ZNF697: variants seen among roughly 807,000 people sequenced by gnomAD.
ZNF697 encodes the protein zinc finger protein 697.
Under a neutral mutation model 32.4 loss-of-function variants are expected in ZNF697, and 23 were observed. The observed-to-expected ratio is 0.71, with a 90% CI of 0.51 to 1.01. The LOEUF (loss-of-function observed/expected upper bound fraction) is 1.01, where lower values mean the gene tolerates loss of function less well. ZNF697 is among the 50% of genes least tolerant of loss of function. ZNF697 has a pLI of 0.00. For missense variants in ZNF697, 930 were observed against 794.0 expected (o/e 1.17, Z -2.06); for synonymous variants, 418 against 337.2 (o/e 1.24, Z -2.62).
chr1:119,638,376 G>T (rs1263345636), intron 1 of ZNF697, among the ~76,000 whole-genome samples: 2 of 152,188 alleles, frequency 1.3e-5, no homozygotes, highest in Non-Finnish European at 2.9e-5. Context: ...TCAATTATCA[G>T]CTATGTATTT....
Position 119,623,755 on chromosome 1 carries a change from C to G in ZNF697, c.588G>C (p.Glu196Asp), listed in dbSNP as rs587605739. 2 of 1,541,804 alleles carry G rather than the reference C, an allele frequency of 1.3e-6. No homozygotes were observed. The highest frequency in any genetic ancestry group is 1.2e-5 in the South Asian group (1 of 83,948). Residue 196 changes from glutamate (E) to aspartate (D), a missense_variant, in exon 3 of 3, where the codon GAG (glutamate) becomes GAC (aspartate). Glu to Asp is a conservative substitution (Grantham distance 45). Transcript: ENST00000421812. ...DAPTICPDCGESFSPGAAFLQ... is the reference protein window; with the variant it reads ...DAPTICPDCGDSFSPGAAFLQ... ...GGAAGGCGGCGCCAGGACTGAAGCT[C>G]TCCCCGCAGTCGGGGCAGATGGTGG...
chr1:119,624,177 A>G, intron 2 of ZNF697, 61 bp from the exon 3 acceptor site: 2 of 1,495,044 alleles, frequency 1.3e-6, no homozygotes, highest in Non-Finnish European at 1.8e-6. Context: ...AGATAAGCCC[A>G]GAGGAAACCT....
At chr1:119,647,240 C>A (rs1181946524) in intron 1 of ZNF697, among the ~76,000 whole-genome samples, 5 of 152,158 alleles carry the variant, frequency 3.3e-5, no homozygotes, top group Non-Finnish European at 7.4e-5. Flanking sequence ...ACCTTTTACT[C>A]ACCCACTCCT....
chr1:119,637,523 T>A (rs1164886000), intron 1 of ZNF697, among the ~76,000 whole-genome samples: 1 of 152,238 alleles, frequency 6.6e-6, no homozygotes, highest in Non-Finnish European at 1.5e-5. Flanking sequence ...GATTACTGGA[T>A]TCCTTTTAGG....
chr1:119,631,676 G>A (rs1156755285), intron 1 of ZNF697, among the ~76,000 whole-genome samples: 1 of 152,232 alleles, frequency 6.6e-6, no homozygotes, highest in East Asian at 1.9e-4. Context: ...CCGCTGCCAG[G>A]TGGCGGGGAG....
intron 1 of ZNF697, among the ~76,000 whole-genome samples, chr1:119,636,243 C>A (rs1054344773): frequency 1.3e-5 from 2 of 152,170 alleles, no homozygotes; most frequent in Non-Finnish European, 2.9e-5. Context: ...TGAGGGCCTT[C>A]AGAATCCGTG....
Position 119,623,053 on chromosome 1 carries a change from C to T in ZNF697, c.1290G>A (p.Thr430=). 1 of 1,586,352 alleles carries T rather than the reference C, an allele frequency of 6.3e-7. No homozygotes were observed. The highest frequency in any genetic ancestry group is 8.6e-7 in the Non-Finnish European group (1 of 1,166,590). Residue 430 remains threonine (T), a synonymous_variant, in exon 3 of 3, where the codon ACG becomes ACA. Transcript: ENST00000421812. ...ACACGTAGGGCCGCTCACCCGAGTGCGTGCGCTTGTGCGTGAAGAGGTGCG... is the reference window on the plus strand; with the variant it reads ...ACACGTAGGGCCGCTCACCCGAGTGTGTGCGCTTGTGCGTGAAGAGGTGCG... ...VSSHLFTHKR[T]HSGERPYVCR... is the part of the protein sequence containing the mutation.
At chr1:119,633,387 T>A in intron 1 of ZNF697, among the ~76,000 whole-genome samples, 1 of 140,310 alleles carries the variant, frequency 7.1e-6, no homozygotes, top group African/African-American at 2.9e-5. Context: ...TGTGTGTGTG[T>A]GTGTGTATAG....
intron 1 of ZNF697, 45 bp from the exon 2 acceptor site, chr1:119,626,182 A>G: frequency 6.4e-6 from 10 of 1,574,264 alleles, no homozygotes; most frequent in Non-Finnish European, 7.7e-6. Flanking sequence ...GTCCGGTCTC[A>G]TCCCCTCACC....
At chr1:119,636,717 G>C (rs1382548140) in intron 1 of ZNF697, among the ~76,000 whole-genome samples, 1 of 152,188 alleles carries the variant, frequency 6.6e-6, no homozygotes, top group African/African-American at 2.4e-5. Flanking sequence ...GAACACACCA[G>C]TTAAGGGCAG....
In ZNF697 at chr1:119,623,688, C is replaced by A. The variant is rs1420057489; in HGVS notation, c.655G>T (p.Ala219Ser). The A allele has an allele frequency of 1.3e-6, 2 of 1,506,844 alleles. No homozygotes were observed. Among genetic ancestry groups the A allele is most frequent in the African/African-American group, 1.4e-5 (1 of 71,300 alleles). 93.3% of individuals were successfully genotyped at this position (1,506,844 alleles called of 1,614,324 possible). A position where few individuals can be genotyped will look rare whatever the true frequency, so the allele number is the denominator to read the frequency against. The change falls in exon 3 of 3, where the codon GCC (alanine) becomes TCC (serine). Residue 219 changes from alanine (A) to serine (S), a missense_variant. Coordinates refer to ENST00000421812, the MANE Select transcript of ZNF697 (RefSeq NM_001080470.2). ...RIHRLAEAAA[A>S]ASLEPFGLAG... ...AGGCCGAAGGGCTCCAGGCTGGCGGCGGCAGCGGCCTCAGCCAGGCGGTGA... is the reference window on the plus strand; with the variant it reads ...AGGCCGAAGGGCTCCAGGCTGGCGGAGGCAGCGGCCTCAGCCAGGCGGTGA...
intron 1 of ZNF697, among the ~76,000 whole-genome samples, chr1:119,637,999 G>A (rs896813804): frequency 3.3e-5 from 5 of 152,020 alleles, no homozygotes; most frequent in Non-Finnish European, 7.4e-5. Flanking sequence ...AGAGAGAAAG[G>A]AGAGGGGAAG....
rs759098720 is a variant in ZNF697, at chr1:119,624,080, C to A, written c.263G>T (p.Arg88Leu). Residue 88 changes from arginine to leucine, a missense_variant, in exon 3 of 3, where the codon CGT becomes CTT. By Grantham distance (102) the Arg-to-Leu change is moderately radical (BLOSUM62 -2). Coordinates refer to ENST00000421812, the MANE Select transcript of ZNF697 (RefSeq NM_001080470.2). ...ACCGGATTGGTCATCCTCTTCCCCA[C>A]GGACAGAAACGCCTTCTTCCTCACT... ...QLSEEEGVSV[R>L]GEEDDQSGVA... 5.0e-6 allele frequency: 8 copies of A among 1,593,128 alleles called. No individual in the cohort carries two copies. The highest frequency in any genetic ancestry group is 6.8e-6 in the Non-Finnish European group (8 of 1,168,070).
intron 1 of ZNF697, among the ~76,000 whole-genome samples, chr1:119,633,128 A>G (rs1023011023): frequency 2.0e-5 from 3 of 152,250 alleles, no homozygotes; most frequent in Non-Finnish European, 4.4e-5. Context: ...CTTCTTTTAC[A>G]GAGATGAAAC....
At chr1:119,642,140 T>C (rs1649093205) in intron 1 of ZNF697, among the ~76,000 whole-genome samples, 2 of 152,194 alleles carry the variant, frequency 1.3e-5, no homozygotes, top group Non-Finnish European at 2.9e-5. Flanking sequence ...TACTGTATGA[T>C]TCCAACCATA....
chr1:119,643,260 C>A (rs1187550971), intron 1 of ZNF697, among the ~76,000 whole-genome samples: 1 of 152,166 alleles, frequency 6.6e-6, no homozygotes, highest in Non-Finnish European at 1.5e-5. Context: ...TCTCACACAC[C>A]TGCTGGAACA....
intron 1 of ZNF697, among the ~76,000 whole-genome samples, chr1:119,639,339 C>T (rs1284900366): frequency 1.3e-5 from 2 of 152,160 alleles, no homozygotes; most frequent in Non-Finnish European, 2.9e-5. Flanking sequence ...AATGTTGTCA[C>T]TTTATTATTC....
In ZNF697 at chr1:119,622,474, C is replaced by G; in HGVS notation, c.*231G>C. On this transcript the variant is annotated 3_prime_UTR_variant, in exon 3 of 3. Transcript: ENST00000421812. ...GCGTGTATTTAAGGAAGTCATCACC[C>G]CAAGCGCATCTCCTGAACAATTCTT... is the stretch of plus-strand genomic sequence containing the variant. 1.3e-6 allele frequency: 1 copy of G among 759,602 alleles called. No individual in the cohort carries two copies. Among genetic ancestry groups the G allele is most frequent in the Non-Finnish European group, 1.9e-6 (1 of 513,144 alleles). 47.1% of individuals were successfully genotyped at this position (759,602 alleles called of 1,614,324 possible). A position where few individuals can be genotyped will look rare whatever the true frequency, so the allele number is the denominator to read the frequency against.
chr1:119,629,610 G>A (rs1015400823), intron 1 of ZNF697, among the ~76,000 whole-genome samples: 1 of 151,960 alleles, frequency 6.6e-6, no homozygotes, highest in African/African-American at 2.4e-5. Flanking sequence ...TTGCAGGGTT[G>A]TTTCTCGAGC....
Sources: gnomAD v4.1 joint callset for allele counts (sites outside exome capture counted in the v4.1 genomes callset) on GRCh38, gnomAD v4.1.1 for gene constraint, MANE v1.5 for transcripts, NCBI Gene and HGNC (gene_info 2026-07-23, HGNC 2026-07-21) for gene names.